DDX60L: variants seen among roughly 807,000 people sequenced by gnomAD.
DDX60L encodes probable ATP-dependent RNA helicase DDX60-like.
Under a neutral mutation model 211.6 loss-of-function variants are expected in DDX60L, and 191 were observed. The observed-to-expected ratio is 0.90, with a 90% confidence interval of 0.80 to 1.02. The LOEUF is 1.02. Ranked by LOEUF, DDX60L falls within the 50% of genes least tolerant of loss-of-function variation. DDX60L has a pLI of 0.00. For synonymous variants in DDX60L, 706 were observed against 694.1 expected, an observed-to-expected ratio of 1.02 and a Z score of -0.27; for missense variants, 2,007 against 1,984.1, an observed-to-expected ratio of 1.01 and a Z score of -0.22.
chr4:168,419,459 G>A lies in DDX60L; in HGVS notation c.2515-62C>T, dbSNP rs922110118. ...GAGCATTAATTTTATATCAGGCATAGTAATAGGAACCTAGAAAATATGCTG... is the reference window on the plus strand; with the variant it reads ...GAGCATTAATTTTATATCAGGCATAATAATAGGAACCTAGAAAATATGCTG... On this transcript the variant is annotated intron_variant, in intron 18 of 37. Transcript: ENST00000682922. The A allele has an allele frequency of 3.3e-6, 4 of 1,227,414 alleles. No individual in the cohort carries two copies. In the African/African-American group the frequency reaches 4.5e-5, roughly 14 times the overall value. 76.0% of individuals were successfully genotyped at this position (1,227,414 alleles called of 1,614,324 possible).
chr4:168,416,440 C>T (rs1377703780), intron 20 of DDX60L, among the ~76,000 whole-genome samples: 1 of 145,448 alleles, frequency 6.9e-6, no homozygotes, highest in Non-Finnish European at 1.5e-5. Context: ...TTGAGAAAGC[C>T]AGACATGGTA....
At chr4:168,468,027 C>T (rs1322694616) in intron 4 of DDX60L, among the ~76,000 whole-genome samples, 2 of 152,056 alleles carry the variant, frequency 1.3e-5, no homozygotes, top group African/African-American at 4.8e-5. Flanking sequence ...ATCAGCCAGG[C>T]ATGGTGGCGC....
In DDX60L at chr4:168,420,449, C is replaced by T. The variant is rs543394477; in HGVS notation, c.2395-69G>A. ...AGACATATAAAACCTTGAGGACAACCGAATCCATACACATACACACACACA... is the reference window on the plus strand; with the variant it reads ...AGACATATAAAACCTTGAGGACAACTGAATCCATACACATACACACACACA... On this transcript the variant is annotated intron_variant, in intron 17 of 37. Coordinates refer to ENST00000682922, the MANE Select transcript of DDX60L (RefSeq NM_001012967.3). 6.3e-4 allele frequency: 689 copies of T among 1,098,836 alleles called. 6 individuals are homozygous for T. In the African/African-American group the frequency reaches 9.8e-3, roughly 16 times the overall value. 68.1% of individuals were successfully genotyped at this position (1,098,836 alleles called of 1,614,324 possible). A position where few individuals can be genotyped will look rare whatever the true frequency, so the allele number is the denominator to read the frequency against.
intron 29 of DDX60L, chr4:168,390,285 C>T: frequency 1.8e-6 from 2 of 1,110,852 alleles, no homozygotes; most frequent in Non-Finnish European, 2.2e-6. Context: ...ACAAAAGTCC[C>T]TTAAGAGAAA....
chr4:168,443,582 C>A (rs567053422), intron 9 of DDX60L, among the ~76,000 whole-genome samples: 102 of 152,146 alleles, frequency 6.7e-4, no homozygotes, highest in African/African-American at 2.4e-3. Context: ...TTGTCAGATT[C>A]ACCAAAGTTC....
chr4:168,468,835 T>G (rs995740522), intron 4 of DDX60L: 1 of 152,108 alleles, frequency 6.6e-6, no homozygotes, highest in Non-Finnish European at 1.5e-5. Context: ...CAGCAAAAAC[T>G]AAAAAATTAT....
chr4:168,420,522 T>G (rs941747099), intron 17 of DDX60L, 142 bp from the exon 18 acceptor site: 2 of 840,368 alleles, frequency 2.4e-6, no homozygotes, highest in African/African-American at 4.3e-5. Flanking sequence ...GAAAATGAAA[T>G]GAAGTAGGGA....
rs769126439 is a variant in DDX60L, at chr4:168,391,563, G to A, written c.3892C>T (p.Leu1298=). The A allele has an allele frequency of 6.2e-7, 1 of 1,603,736 alleles. No homozygotes were observed. The highest frequency in any genetic ancestry group is 8.5e-7 in the Non-Finnish European group (1 of 1,174,132). Residue 1298 remains leucine, a synonymous_variant, in exon 29 of 38, where the codon CTG becomes TTG. Transcript: ENST00000682922. ...SVVFAQDSVY[L]DALNYRQMSG... is the part of the protein sequence containing the mutation. Reference sequence around the variant, plus strand: ...ACCTGTCTGTAATTTAAAGCATCCAGATAGACTGAGTCTTGGGCAAAAACA... The same window carrying A: ...ACCTGTCTGTAATTTAAAGCATCCAAATAGACTGAGTCTTGGGCAAAAACA...
rs1749389620 is a variant in DDX60L, at chr4:168,415,481, T to C, written c.2906A>G (p.His969Arg). Reference sequence around the variant, plus strand: ...ATCATCATGTTTTACTGAACATATATGCTTCTCTAAATCATTGTATCTCTC... The same window carrying C: ...ATCATCATGTTTTACTGAACATATACGCTTCTCTAAATCATTGTATCTCTC... ...CGERYNDLEK[H>R]ICSVKHDDVY... is the part of the protein sequence containing the mutation. The change falls in exon 22 of 38, where the codon CAT (histidine) becomes CGT (arginine). Residue 969 changes from histidine (H) to arginine (R), a missense_variant. By Grantham distance (29) the His-to-Arg change is conservative. Transcript: ENST00000682922. The C allele has an allele frequency of 1.1e-5, 17 of 1,604,736 alleles. No homozygotes were observed. Among genetic ancestry groups the C allele is most frequent in the Non-Finnish European group, 1.4e-5 (17 of 1,174,138 alleles).
chr4:168,402,761 G>T (rs1316344342), intron 25 of DDX60L, among the ~76,000 whole-genome samples: 1 of 152,112 alleles, frequency 6.6e-6, no homozygotes, highest in Non-Finnish European at 1.5e-5. Flanking sequence ...GACCCAGCTT[G>T]AGCCTAAACC....
chr4:168,388,882 A>C (rs557198011), intron 29 of DDX60L, among the ~76,000 whole-genome samples: 2 of 152,214 alleles, frequency 1.3e-5, no homozygotes, highest in Non-Finnish European at 2.9e-5. Flanking sequence ...GAAGAGGCCC[A>C]GGAAAGGATA....
chr4:168,359,182 A>T (rs1387321), intron 37 of DDX60L, among the ~76,000 whole-genome samples: 2 of 152,118 alleles, frequency 1.3e-5, no homozygotes, highest in South Asian at 2.1e-4. Flanking sequence ...ACTCTAGAGC[A>T]GAGTTTCAGT....
At chr4:168,377,102 C>T (rs189679087) in intron 33 of DDX60L, among the ~76,000 whole-genome samples, 260 of 152,118 alleles carry the variant, frequency 1.7e-3, no homozygotes, top group African/African-American at 5.9e-3. Flanking sequence ...ACCAACCTGG[C>T]CAACCTGATG....
At chr4:168,365,361 C>CA (rs1428331981) in intron 36 of DDX60L, among the ~76,000 whole-genome samples, 2 of 151,724 alleles carry the variant, frequency 1.3e-5, no homozygotes, top group Non-Finnish European at 2.9e-5. Flanking sequence ...CACAGAAGTA[C>CA]AAAAAATAAT....
chr4:168,359,056 T>A (rs985507907), intron 37 of DDX60L, among the ~76,000 whole-genome samples: 5 of 152,186 alleles, frequency 3.3e-5, no homozygotes, highest in African/African-American at 1.2e-4. Context: ...CTGGGGTGAA[T>A]GAGAGGAGAC....
Position 168,448,778 on chromosome 4 carries a change from T to C in DDX60L, c.998A>G (p.Asn333Ser), listed in dbSNP as rs1300884758. The change falls in exon 9 of 38, where the codon AAC (asparagine) becomes AGC (serine). Residue 333 changes from asparagine (N) to serine (S), a missense_variant and splice_region_variant. Physicochemically the swap from Asn to Ser is conservative, Grantham distance 46 (BLOSUM62 1). Transcript: ENST00000682922. The stretch of plus-strand genomic sequence containing the variant: ...TAAAATGAAATATTCACACCACTTG[T>C]TCTGAAAATTAAAAATAAAACATTA... The part of the protein sequence containing the change: ...IRNSDSFLKM[N>S]KWCEYFILSN... 5.0e-6 allele frequency: 8 copies of C among 1,596,012 alleles called. No individual in the cohort carries two copies. The highest frequency in any genetic ancestry group is 6.8e-6 in the Non-Finnish European group (8 of 1,171,668).
intron 1 of DDX60L, 99 bp downstream of exon 1, chr4:168,480,278 C>G (rs1422798851): frequency 6.6e-6 from 1 of 152,506 alleles, no homozygotes; most frequent in East Asian, 1.9e-4. Flanking sequence ...GCCACCTCCC[C>G]GCCCGGTCCA....
chr4:168,428,455 T>A (rs946115134), intron 13 of DDX60L, among the ~76,000 whole-genome samples: 1 of 152,324 alleles, frequency 6.6e-6, no homozygotes, highest in Admixed American at 6.5e-5. Context: ...GATCTCTGAT[T>A]AACAATTTTC....
At chr4:168,363,380 G>A (rs1409778168) in intron 36 of DDX60L, among the ~76,000 whole-genome samples, 2 of 152,114 alleles carry the variant, frequency 1.3e-5, no homozygotes, top group East Asian at 1.9e-4. Context: ...AAAACTCATC[G>A]ATAGAAGTAA....
Sources: allele counts gnomAD v4.1 joint callset (sites outside exome capture counted in the v4.1 genomes callset), GRCh38; gene constraint gnomAD v4.1.1; transcripts MANE v1.5; gene names NCBI Gene and HGNC (gene_info 2026-07-23, HGNC 2026-07-21).